Variants in LAMP2 observed in about 807,000 individuals in gnomAD.
LAMP2 encodes lysosome-associated membrane glycoprotein 2.
In LAMP2, 4 loss-of-function variants were observed where a neutral mutation model predicts 25.6. That is an observed-to-expected ratio of 0.16 (90% CI 0.08 to 0.36). LAMP2 has a LOEUF of 0.36. Ranked by LOEUF, LAMP2 falls within the 10% of genes least tolerant of loss-of-function variation. LAMP2 has a pLI of 1.00. For missense variants in LAMP2, 272 were observed against 301.4 expected (o/e 0.90, Z 0.72); for synonymous variants, 108 against 112.7 (o/e 0.96, Z 0.27).
rs1375151119 is a variant in LAMP2 at position 120,469,160 on chromosome X, A to G, written c.10T>C (p.Phe4Leu). 2.5e-6 allele frequency: 3 copies of G among 1,210,879 alleles called. No individual in the cohort carries two copies. The highest frequency in any genetic ancestry group is 3.4e-6 in the Non-Finnish European group (3 of 895,295). Residue 4 changes from phenylalanine to leucine, a missense_variant, in exon 1 of 9, where the codon TTC (phenylalanine) becomes CTC (leucine). Phe to Leu is a conservative substitution (Grantham distance 22, BLOSUM62 0). Transcript: ENST00000200639. MVC[F>L]RLFPVPGSGL... ...GAGCCCGGAACCGGGAAGAGGCGGA[A>G]GCACACCATGACCCCGCAGAGCAGG...
At chrX:120,469,327 G>C (rs1921681372), upstream of LAMP2, 1 of 504,854 alleles carries the variant, frequency 2.0e-6, no homozygotes, top group Non-Finnish European at 3.4e-6. Flanking sequence ...CGAGTCATAA[G>C]ACTAGGGGCG....
chrX:120,436,976 CAT>C (rs755474880), intron 8 of LAMP2: 9 of 748,648 alleles, frequency 1.2e-5, no homozygotes, highest in African/African-American at 2.3e-5. Context: ...TGTTTTGACT[CAT>C]GTGAAATAGT....
chrX:120,461,460 G>C (rs577215703), intron 1 of LAMP2, among the ~76,000 whole-genome samples: 1 of 111,949 alleles, frequency 8.9e-6, no homozygotes, highest in East Asian at 2.8e-4. Flanking sequence ...GTAAATTATA[G>C]TATACAGTAA....
chrX:120,436,905 A>AT, intron 8 of LAMP2: 1 of 744,478 alleles, frequency 1.3e-6, no homozygotes. Flanking sequence ...TTTTAGAAAT[A>AT]TTAACAGCAT....
chrX:120,447,661 G>C (rs757396738), intron 5 of LAMP2, among the ~76,000 whole-genome samples, 180 bp downstream of exon 5: 1 of 111,532 alleles, frequency 9.0e-6, no homozygotes, highest in South Asian at 3.8e-4. Context: ...AGTGAGCTGA[G>C]ATCGCACCAC....
chrX:120,448,686 G>C (rs1469443680), intron 4 of LAMP2, among the ~76,000 whole-genome samples: 1 of 112,568 alleles, frequency 8.9e-6, no homozygotes, highest in Admixed American at 9.4e-5. Context: ...TGATAATCAA[G>C]CTATCTGAGG....
chrX:120,465,555 T>C (rs1161466274), intron 1 of LAMP2, among the ~76,000 whole-genome samples: 1 of 112,315 alleles, frequency 8.9e-6, no homozygotes, highest in Non-Finnish European at 1.9e-5. Context: ...TTAATCTCTA[T>C]GAAAAAGACC....
chrX:120,445,684 G>A (rs2058592729), intron 6 of LAMP2, among the ~76,000 whole-genome samples: 3 of 112,053 alleles, frequency 2.7e-5, no homozygotes, highest in South Asian at 7.4e-4. Flanking sequence ...AAAGATCCCC[G>A]ATGATTAATT....
Position 120,439,245 on chromosome X carries a change from A to G in LAMP2, c.1093+2485T>C, listed in dbSNP as rs1301008847. The G allele has an allele frequency of 2.1e-5, 25 of 1,207,913 alleles. No homozygotes were observed. The African/African-American group carries it at 4.4e-4, about 21-fold the overall frequency. On this transcript the variant is annotated intron_variant, in intron 8 of 8. Transcript: ENST00000200639. ...AATCAAGCCTGAAAGACCAGCACCA[A>G]CTATAATTGGGATTAGAATGGTGTC... is the stretch of plus-strand genomic sequence containing the variant.
At chrX:120,439,490 C>T (rs764060430) in intron 8 of LAMP2, among the ~76,000 whole-genome samples, 49 of 105,247 alleles carry the variant, frequency 4.7e-4, no homozygotes, top group Non-Finnish European at 6.8e-4. Flanking sequence ...CTTTCTTTGT[C>T]CTTTCATTTG....
chrX:120,437,717 C>T, intron 8 of LAMP2: 2 of 746,844 alleles, frequency 2.7e-6, no homozygotes, highest in Non-Finnish European at 3.2e-6. Context: ...TTGATTAGCA[C>T]AGAACCATTT....
At chrX:120,442,782 C>T (rs953706152) in intron 6 of LAMP2, 120 bp from the exon 7 acceptor site, 9 of 568,720 alleles carry the variant, frequency 1.6e-5, no homozygotes, top group African/African-American at 2.2e-5. Context: ...AGAAATCATG[C>T]GGTAGAATAA....
intron 8 of LAMP2, chrX:120,437,006 T>C (rs905753396): frequency 1.1e-5 from 8 of 741,057 alleles, no homozygotes; most frequent in Admixed American, 8.8e-5. Context: ...TACATTCTTA[T>C]ACACATTATC....
chrX:120,441,096 T>C (rs77907433), intron 8 of LAMP2, among the ~76,000 whole-genome samples: 4,639 of 112,262 alleles, frequency 0.041, 226 homozygotes, highest in African/African-American at 0.13. Context: ...GAATTTTATG[T>C]GCTTTTTTTC....
chrX:120,435,120 C>T (rs1231694464), intron 8 of LAMP2, among the ~76,000 whole-genome samples: 2 of 111,741 alleles, frequency 1.8e-5, no homozygotes, highest in Non-Finnish European at 3.8e-5. Flanking sequence ...GGCAACAGAG[C>T]GAGACTCCAT....
rs776218901 is a variant in LAMP2 at position 120,436,527 on chromosome X, T to C, written c.1094-5065A>G. On this transcript the variant is annotated intron_variant, in intron 8 of 8. Transcript: ENST00000200639. ...AGAAATAAAAGAATCTTTATTGTTT[T>C]AGAAGCAATTTTGAGCAAACAGACA... 117 of 729,151 alleles carry C rather than the reference T, an allele frequency of 1.6e-4. No individual in the cohort carries two copies. The Middle Eastern group carries it at 3.2e-3, about 20-fold the overall frequency. The allele number at this position is 729,151 out of a possible 1,213,427, so 60.1% of individuals were successfully genotyped here.
intron 5 of LAMP2, among the ~76,000 whole-genome samples, 197 bp downstream of exon 5, chrX:120,447,643 GA>G (rs1445251338): frequency 2.7e-5 from 3 of 110,955 alleles, no homozygotes; most frequent in Non-Finnish European, 3.8e-5. Flanking sequence ...CCGGGAGGCG[GA>G]GTTTGCAGTG....
chrX:120,459,361 G>A (rs1290908735), intron 1 of LAMP2, among the ~76,000 whole-genome samples: 1 of 112,425 alleles, frequency 8.9e-6, no homozygotes, highest in Admixed American at 9.5e-5. Flanking sequence ...CTCCCTTGCA[G>A]TAAGGAGGAC....
chrX:120,431,557 T>C (rs1287010740), intron 8 of LAMP2, 95 bp from the exon 9 acceptor site: 31 of 885,065 alleles, frequency 3.5e-5, no homozygotes, highest in Non-Finnish European at 5.0e-5. Context: ...CTAACACGCA[T>C]ATTTTGGTTT....
Sources: gnomAD v4.1 joint callset for allele counts (sites outside exome capture counted in the v4.1 genomes callset) on GRCh38, gnomAD v4.1.1 for gene constraint, MANE v1.5 for transcripts, NCBI Gene and HGNC (gene_info 2026-07-23, HGNC 2026-07-21) for gene names.